The following ZFYVE28 variants were observed in gnomAD, a reference collection of about 807,000 sequenced individuals.
The protein encoded by ZFYVE28 is lateral signaling target protein 2 homolog.
In ZFYVE28, 40 loss-of-function variants were observed where a neutral mutation model predicts 82.1. The ratio of observed to expected loss-of-function variants is 0.49; its 90% CI spans 0.38 to 0.63. ZFYVE28 has a LOEUF of 0.63. Among genes scored for constraint, ZFYVE28 ranks in the 30% least tolerant of loss-of-function variants. The pLI is 0.00. For synonymous variants in ZFYVE28, 612 were observed against 546.1 expected (o/e 1.12, Z -1.68); for missense variants, 1,321 against 1,242.1 (o/e 1.06, Z -0.96).
chr4:2,402,221 G>A (rs1406333739), intron 1 of ZFYVE28, among the ~76,000 whole-genome samples: 1 of 152,220 alleles, frequency 6.6e-6, no homozygotes, highest in Admixed American at 6.5e-5. Flanking sequence ...CTGGGAGCTC[G>A]TTTCAACCTG....
At chr4:2,406,102 T>C (rs12331400) in intron 1 of ZFYVE28, among the ~76,000 whole-genome samples, 27,717 of 147,864 alleles carry the variant, frequency 0.19, 2,689 homozygotes, top group East Asian at 0.35. Flanking sequence ...CCGGGCATGG[T>C]GGCACATGCC....
At chr4:2,355,263 T>C (rs1265320352) in intron 1 of ZFYVE28, among the ~76,000 whole-genome samples, 1 of 40,390 alleles carries the variant, frequency 2.5e-5, no homozygotes, top group Non-Finnish European at 4.9e-5. Context: ...TATATATATA[T>C]ATATATATAA....
intron 1 of ZFYVE28, among the ~76,000 whole-genome samples, chr4:2,403,871 A>C (rs554433924): frequency 6.6e-6 from 1 of 152,090 alleles, no homozygotes; most frequent in Admixed American, 6.5e-5. Context: ...CAGGAGGCTA[A>C]GGCAGGAGAA....
intron 6 of ZFYVE28, among the ~76,000 whole-genome samples, chr4:2,327,824 G>A (rs552859578): frequency 1.1e-4 from 16 of 152,246 alleles, no homozygotes; most frequent in African/African-American, 2.9e-4. Context: ...AACATCACTA[G>A]TCATTAGAGA....
intron 6 of ZFYVE28, among the ~76,000 whole-genome samples, chr4:2,325,592 C>CTTTTTTTTTTTTTT (rs58460729): frequency 8.2e-6 from 1 of 122,228 alleles, no homozygotes; most frequent in Non-Finnish European, 1.7e-5. Context: ...TTAAATCTTA[C>CTTTTTTTTTTTTTT]TTTTTTTTTT....
chr4:2,358,457 C>T (rs1725658200), intron 1 of ZFYVE28, among the ~76,000 whole-genome samples: 1 of 152,166 alleles, frequency 6.6e-6, no homozygotes, highest in Non-Finnish European at 1.5e-5. Flanking sequence ...TGATACTTGA[C>T]CCCTCCTGGC....
At chr4:2,271,448 G>T in intron 11 of ZFYVE28, 34 bp from the exon 12 acceptor site, 1 of 1,600,760 alleles carries the variant, frequency 6.2e-7, no homozygotes, top group Non-Finnish European at 8.5e-7. Context: ...CATCAGCGAC[G>T]GCAGGAGCAG....
chr4:2,364,804 C>G, intron 1 of ZFYVE28: 1 of 985,586 alleles, frequency 1.0e-6, no homozygotes, highest in African/African-American at 1.7e-5. Flanking sequence ...GAGCGGGTGA[C>G]TGGGAATGGC....
chr4:2,324,692 C>T (rs1034943151), intron 6 of ZFYVE28: 14 of 171,288 alleles, frequency 8.2e-5, no homozygotes, highest in Admixed American at 1.7e-4. Flanking sequence ...GAAGCTCTGA[C>T]CGTTTTAATA....
chr4:2,334,879 G>T lies in ZFYVE28; in HGVS notation c.701+826C>A, dbSNP rs187077387. ...ACTTCCGCCTCCCCCCCAGCTGCAAGCTCCACTAAGCTCTCTGTGGTCCAC... is the reference window on the plus strand; with the variant it reads ...ACTTCCGCCTCCCCCCCAGCTGCAATCTCCACTAAGCTCTCTGTGGTCCAC... On this transcript the variant is annotated intron_variant, in intron 6 of 12. Transcript: ENST00000290974. 3.2e-4 allele frequency among the ~76,000 whole-genome samples: 32 copies of T among 101,330 alleles called. No homozygotes were observed. The East Asian group carries it at 8.5e-3, about 27-fold the overall frequency. The allele number at this position is 101,330 out of a possible 152,430, so 66.5% of individuals were successfully genotyped here.
chr4:2,365,004 G>T, intron 1 of ZFYVE28: 2 of 618,086 alleles, frequency 3.2e-6, no homozygotes, highest in Non-Finnish European at 4.0e-6. Flanking sequence ...CTCCCTAGGC[G>T]TCAGGCCCCG....
intron 1 of ZFYVE28, among the ~76,000 whole-genome samples, chr4:2,367,707 C>T (rs1213045075): frequency 5.3e-5 from 8 of 152,338 alleles, no homozygotes; most frequent in Non-Finnish European, 8.8e-5. Flanking sequence ...ATGCTCTGGC[C>T]TTTGCTTTGT....
At position 2,394,207 on chromosome 4, in the gene ZFYVE28, C is replaced by T. The variant is rs1044538768; in HGVS notation, c.39+24078G>A. On this transcript the variant is annotated intron_variant, in intron 1 of 12. Transcript: ENST00000290974. The surrounding 1 kb of genome is among the most constrained non-coding windows in gnomAD (Gnocchi z 4.0). Reference sequence around the variant, plus strand: ...ACATAATCCAGGAAAATTTCATGATCGGAAGGTCAACTGACGAGCAGGCGT... The same window carrying T: ...ACATAATCCAGGAAAATTTCATGATTGGAAGGTCAACTGACGAGCAGGCGT... 3.3e-5 allele frequency among the ~76,000 whole-genome samples: 5 copies of T among 152,300 alleles called. No homozygotes were observed. Among genetic ancestry groups the T allele is most frequent in the African/African-American group, 7.2e-5 (3 of 41,560 alleles).
chr4:2,353,951 G>A lies in ZFYVE28; in HGVS notation c.162C>T (p.Ser54=). ...GGCTCACCTGACAGGAGCGGAACTG[G>A]CTGACCAGCAGCGTGCACCGCTGGG... ...KDPQRCTLLV[S]QFRSCQDNVL... is the part of the protein sequence containing the mutation. The change falls in exon 2 of 13, where the codon AGC becomes AGT. Residue 54 remains serine, a synonymous_variant. Transcript: ENST00000290974. 6.4e-7 allele frequency: 1 copy of A among 1,552,946 alleles called. No homozygotes were observed. The highest frequency in any genetic ancestry group is 8.7e-7 in the Non-Finnish European group (1 of 1,149,046).
intron 1 of ZFYVE28, among the ~76,000 whole-genome samples, chr4:2,410,052 T>G (rs1272872593): frequency 6.6e-6 from 1 of 152,242 alleles, no homozygotes; most frequent in South Asian, 2.1e-4. Flanking sequence ...CAAAACACCT[T>G]TTCCCTTGAT....
intron 8 of ZFYVE28, among the ~76,000 whole-genome samples, chr4:2,293,047 C>T (rs1251519135): frequency 4.0e-5 from 6 of 150,958 alleles, no homozygotes; most frequent in East Asian, 1.9e-4. Flanking sequence ...CATGTGATTA[C>T]GTCAAAGAAT....
chr4:2,391,194 C>T (rs946002929), intron 1 of ZFYVE28, among the ~76,000 whole-genome samples: 2 of 152,238 alleles, frequency 1.3e-5, no homozygotes, highest in Admixed American at 1.3e-4. Context: ...TGCTCCATCC[C>T]TGACTTCTGG....
intron 8 of ZFYVE28, among the ~76,000 whole-genome samples, chr4:2,282,414 T>C (rs1478916177): frequency 1.3e-5 from 2 of 152,168 alleles, no homozygotes; most frequent in African/African-American, 4.8e-5. Context: ...AGTGCTCCTC[T>C]TGAACAGCAC....
In ZFYVE28 at chr4:2,304,918, C is replaced by T. The variant is rs751593287; in HGVS notation, c.1422G>A (p.Ala474=). ...EAEGTDGASL[A]GTSSCSCLDS... is the part of the protein sequence containing the mutation. ...CCAGGCAGCTGCAGGAGCTGGTGCC[C>T]GCGAGGCTGGCCCCATCTGTGCCCT... The change falls in exon 8 of 13, where the codon GCG becomes GCA. Residue 474 remains alanine (A), a synonymous_variant. Coordinates refer to ENST00000290974, the MANE Select transcript of ZFYVE28 (RefSeq NM_020972.3). 1.9e-5 allele frequency: 30 copies of T among 1,612,596 alleles called. 1 individual carries two copies. Among genetic ancestry groups the T allele is most frequent in the South Asian group, 6.6e-5 (6 of 91,088 alleles).
Sources: gnomAD v4.1 joint callset for allele counts (sites outside exome capture counted in the v4.1 genomes callset) on GRCh38, gnomAD v4.1.1 for gene constraint, Gnocchi (gnomAD v3.1) non-coding constraint, MANE v1.5 for transcripts, NCBI Gene and HGNC (gene_info 2026-07-23, HGNC 2026-07-21) for gene names.